The following ZFPM2 variants were observed in gnomAD, a reference collection of about 807,000 sequenced individuals.
ZFPM2 encodes the protein zinc finger protein, FOG family member 2, also known as zinc finger protein ZFPM2.
ZFPM2 carries 20 observed loss-of-function variants against 98.6 expected under a neutral mutation model. That is an observed-to-expected ratio of 0.20 (90% CI 0.14 to 0.29). The LOEUF is 0.29. Ranked by LOEUF, ZFPM2 falls within the 10% of genes least tolerant of loss-of-function variation. The pLI is 1.00. For missense variants in ZFPM2, 1,310 were observed against 1,388.6 expected (o/e 0.94, Z 0.90); for synonymous variants, 518 against 502.7 (o/e 1.03, Z -0.41).
chr8:105,754,719 A>AT (rs1186820206), intron 5 of ZFPM2, among the ~76,000 whole-genome samples: 4 of 150,738 alleles, frequency 2.7e-5, no homozygotes, highest in East Asian at 3.9e-4. Flanking sequence ...AAAGCTTGTG[A>AT]TTTTTTCCCC....
At chr8:105,426,214 T>C (rs1770983966) in intron 2 of ZFPM2, among the ~76,000 whole-genome samples, 1 of 152,206 alleles carries the variant, frequency 6.6e-6, no homozygotes, top group African/African-American at 2.4e-5. Context: ...CTCTTTAAAT[T>C]CTTGCATATA....
intron 3 of ZFPM2, among the ~76,000 whole-genome samples, chr8:105,553,472 A>G (rs1482770880): frequency 6.6e-6 from 1 of 152,206 alleles, no homozygotes; most frequent in Non-Finnish European, 1.5e-5. Context: ...GTTTTAGACC[A>G]TTCCAGTGTG....
intron 3 of ZFPM2, among the ~76,000 whole-genome samples, chr8:105,534,018 TC>T (rs1563704290): frequency 2.0e-4 from 5 of 25,236 alleles, no homozygotes; most frequent in East Asian, 2.4e-3. Flanking sequence ...CTTCCTCCCT[TC>T]TTCCCTTCCT....
chr8:105,731,214 T>C (rs1811928552), intron 5 of ZFPM2, among the ~76,000 whole-genome samples: 1 of 151,702 alleles, frequency 6.6e-6, no homozygotes, highest in Non-Finnish European at 1.5e-5. Flanking sequence ...TGTTCTCCCT[T>C]GTCCTTTCCC....
chr8:105,623,722 A>G (rs1246418039), intron 4 of ZFPM2, among the ~76,000 whole-genome samples: 2 of 151,970 alleles, frequency 1.3e-5, no homozygotes, highest in Non-Finnish European at 2.9e-5. Context: ...TGAAATACAG[A>G]CTGTTGAACA....
intron 5 of ZFPM2, among the ~76,000 whole-genome samples, chr8:105,697,233 GA>G (rs554738990): frequency 1.8e-4 from 28 of 152,168 alleles, no homozygotes; most frequent in Non-Finnish European, 3.8e-4. Context: ...AGGTTAGAAT[GA>G]GCGCTTAATC....
At chr8:105,448,827 G>C (rs928682306) in intron 3 of ZFPM2, among the ~76,000 whole-genome samples, 8 of 152,026 alleles carry the variant, frequency 5.3e-5, no homozygotes, top group South Asian at 2.1e-4. Flanking sequence ...CTTGCTAAAC[G>C]TAAGTGGTCT....
intron 6 of ZFPM2, among the ~76,000 whole-genome samples, chr8:105,793,658 C>T (rs890422332): frequency 6.7e-6 from 1 of 149,490 alleles, no homozygotes; most frequent in African/African-American, 2.5e-5. Context: ...GGAAGTTCTC[C>T]TGGATAATAT....
intron 5 of ZFPM2, among the ~76,000 whole-genome samples, chr8:105,644,488 T>C (rs1275687808): frequency 6.6e-6 from 1 of 151,730 alleles, no homozygotes; most frequent in Non-Finnish European, 1.5e-5. Flanking sequence ...CTGTCTAAAA[T>C]GCTCTGTCTC....
At chr8:105,410,340 T>C (rs1159621714) in intron 1 of ZFPM2, among the ~76,000 whole-genome samples, 4 of 151,924 alleles carry the variant, frequency 2.6e-5, no homozygotes, top group African/African-American at 4.8e-5. Flanking sequence ...CCACTCTTAA[T>C]TCATCTTTGC....
At chr8:105,667,928 A>G (rs1222321463) in intron 5 of ZFPM2, among the ~76,000 whole-genome samples, 1 of 152,222 alleles carries the variant, frequency 6.6e-6, no homozygotes, top group African/African-American at 2.4e-5. Flanking sequence ...ATATTGCTAG[A>G]TAAAACCAAA....
chr8:105,778,920 G>T (rs376884645), intron 5 of ZFPM2, among the ~76,000 whole-genome samples: 1 of 133,734 alleles, frequency 7.5e-6, no homozygotes, highest in Non-Finnish European at 1.6e-5. Flanking sequence ...TTACGCATAC[G>T]TCTTTTTTCT....
chr8:105,647,890 C>A (rs1272373836), intron 5 of ZFPM2, among the ~76,000 whole-genome samples: 1 of 152,064 alleles, frequency 6.6e-6, no homozygotes, highest in African/African-American at 2.4e-5. Context: ...TGGGTATATA[C>A]CCAGTAATGG....
chr8:105,693,478 T>A (rs1810939003), intron 5 of ZFPM2, among the ~76,000 whole-genome samples: 1 of 152,200 alleles, frequency 6.6e-6, no homozygotes, highest in South Asian at 2.1e-4. Flanking sequence ...GTTTCTTTGC[T>A]CTACTACACT....
At chr8:105,737,807 A>G (rs1812114833) in intron 5 of ZFPM2, 1 of 152,034 alleles carries the variant, frequency 6.6e-6, no homozygotes, top group South Asian at 2.1e-4. Flanking sequence ...ATGTGTGACC[A>G]CTGGATAAAC....
chr8:105,474,855 C>A (rs987358176), intron 3 of ZFPM2, among the ~76,000 whole-genome samples: 4 of 115,948 alleles, frequency 3.4e-5, no homozygotes, highest in Non-Finnish European at 7.4e-5. Flanking sequence ...TCAAGCATAA[C>A]AAACATCTTT....
At chr8:105,618,676 G>A (rs1816468965) in intron 4 of ZFPM2, among the ~76,000 whole-genome samples, 1 of 152,042 alleles carries the variant, frequency 6.6e-6, no homozygotes, top group South Asian at 2.1e-4. Flanking sequence ...TCACCAAAAT[G>A]ACCCTATGAC....
At chr8:105,441,137 A>G (rs1273209351) in intron 2 of ZFPM2, among the ~76,000 whole-genome samples, 2 of 152,098 alleles carry the variant, frequency 1.3e-5, no homozygotes, top group African/African-American at 4.8e-5. Flanking sequence ...CCTGGGTGAC[A>G]GAGTGAGACT....
At chr8:105,494,609 T>C (rs1813424352) in intron 3 of ZFPM2, among the ~76,000 whole-genome samples, 1 of 152,144 alleles carries the variant, frequency 6.6e-6, no homozygotes, top group Non-Finnish European at 1.5e-5. Flanking sequence ...ATAACTAAGT[T>C]ACTGATTCTC....
Sources: gnomAD v4.1 joint callset for allele counts (sites outside exome capture counted in the v4.1 genomes callset) on GRCh38, gnomAD v4.1.1 for gene constraint, MANE v1.5 for transcripts, NCBI Gene and HGNC (gene_info 2026-07-23, HGNC 2026-07-21) for gene names.